CALHM3: variants seen among roughly 807,000 people sequenced by gnomAD.
CALHM3 encodes calcium homeostasis modulator 3.
Under a neutral mutation model 13.6 loss-of-function variants are expected in CALHM3, and 9 were observed. The ratio of observed to expected loss-of-function variants is 0.66; its 90% CI spans 0.40 to 1.15. The LOEUF (loss-of-function observed/expected upper bound fraction) is 1.15, where lower values mean the gene tolerates loss of function less well. Among genes scored for constraint, CALHM3 ranks in the 50% most tolerant of loss-of-function variants. The pLI, the probability that CALHM3 is intolerant of heterozygous loss-of-function variation, is 0.01. For synonymous variants in CALHM3, 231 were observed against 213.2 expected, an observed-to-expected ratio of 1.08 and a Z score of -0.73; for missense variants, 497 against 463.4, an observed-to-expected ratio of 1.07 and a Z score of -0.67.
rs772062343 is a variant in CALHM3 at position 103,473,437 on chromosome 10, G to C, written c.811C>G (p.Pro271Ala). 63 of 1,530,708 alleles carry C rather than the reference G, an allele frequency of 4.1e-5. No individual in the cohort carries two copies. The Admixed American group carries it at 5.8e-4, about 14-fold the overall frequency. The allele number at this position is 1,530,708 out of a possible 1,614,324, so 94.8% of individuals were successfully genotyped here. The part of the protein sequence containing the change: ...RGNAGRRLEL[P>A]AVPEPPEGLD... ...CCTTCTGGGGGCTCAGGCACTGCGG[G>C]GAGCTCGAGTCTCCTGCCTGCATTG... is the stretch of plus-strand genomic sequence containing the variant. The change falls in exon 3 of 3, where the codon CCC (proline) becomes GCC (alanine). Residue 271 changes from proline (P) to alanine (A), a missense_variant. Physicochemically the swap from Pro to Ala is conservative, Grantham distance 27 (BLOSUM62 -1). Coordinates refer to ENST00000369783, the MANE Select transcript of CALHM3 (RefSeq NM_001129742.2).
In CALHM3 at chr10:103,473,531, C is replaced by CGCG; in HGVS notation, c.714_716dup (p.Ala239dup). The CGCG allele has an allele frequency of 6.4e-7, 1 of 1,551,106 alleles. No homozygotes were observed. Among genetic ancestry groups the CGCG allele is most frequent in the Non-Finnish European group, 8.7e-7 (1 of 1,147,004 alleles). On this transcript the variant is annotated inframe_insertion, in exon 3 of 3. Transcript: ENST00000369783. ...CAAAGAAGTGCAGCACGCAGCGGTG[C>CGCG]GCGAAGTCCCGCGCATGCTCACAGC...
At position 103,473,045 on chromosome 10, in the gene CALHM3, G is replaced by A; in HGVS notation, c.*168C>T. The A allele has an allele frequency of 1.5e-6, 1 of 656,220 alleles. No individual in the cohort carries two copies. The highest frequency in any genetic ancestry group is 2.2e-6 in the Non-Finnish European group (1 of 458,530). 40.6% of individuals were successfully genotyped at this position (656,220 alleles called of 1,614,324 possible). A position where few individuals can be genotyped will look rare whatever the true frequency, so the allele number is the denominator to read the frequency against. ...GTCCACATTAAAGTTTGTGAAGCGCGCTGGAGGCCACACCCAGAAACTAGG... is the reference window on the plus strand; with the variant it reads ...GTCCACATTAAAGTTTGTGAAGCGCACTGGAGGCCACACCCAGAAACTAGG... On this transcript the variant is annotated 3_prime_UTR_variant, in exon 3 of 3. Coordinates refer to ENST00000369783, the MANE Select transcript of CALHM3 (RefSeq NM_001129742.2).
At chr10:103,476,182 G>C (rs2033385076) in intron 2 of CALHM3, 112 bp downstream of exon 2, 1 of 1,413,868 alleles carries the variant, frequency 7.1e-7, no homozygotes, top group Non-Finnish European at 9.6e-7. Context: ...TGCCTCCTGG[G>C]AATGGGCTGA....
rs1193590081 is a variant in CALHM3 at position 103,473,066 on chromosome 10, C to A, written c.*147G>T. The A allele has an allele frequency of 5.7e-6, 5 of 881,028 alleles. No individual in the cohort carries two copies. Among genetic ancestry groups the A allele is most frequent in the Non-Finnish European group, 7.6e-6 (5 of 662,104 alleles). The allele number at this position is 881,028 out of a possible 1,614,324, so 54.6% of individuals were successfully genotyped here. On this transcript the variant is annotated 3_prime_UTR_variant, in exon 3 of 3. Transcript: ENST00000369783. The stretch of plus-strand genomic sequence containing the variant: ...GCGCGCTGGAGGCCACACCCAGAAA[C>A]TAGGCAGAGATTGGGCTACTTTAAA...
chr10:103,473,413 C>A lies in CALHM3; in HGVS notation c.835G>T (p.Gly279Cys), dbSNP rs1478849400. The A allele has an allele frequency of 6.6e-7, 1 of 1,517,642 alleles. No homozygotes were observed. The highest frequency in any genetic ancestry group is 1.4e-5 in the African/African-American group (1 of 72,534). 94.0% of individuals were successfully genotyped at this position (1,517,642 alleles called of 1,614,324 possible). A position where few individuals can be genotyped will look rare whatever the true frequency, so the allele number is the denominator to read the frequency against. Residue 279 changes from glycine (G) to cysteine (C), a missense_variant, in exon 3 of 3, where the codon GGC becomes TGC. Physicochemically the swap from Gly to Cys is radical, Grantham distance 159. Coordinates refer to ENST00000369783, the MANE Select transcript of CALHM3 (RefSeq NM_001129742.2). Reference sequence around the variant, plus strand: ...GCCTTCCCACTTCCACTATCCAGGCCTTCTGGGGGCTCAGGCACTGCGGGG... The same window carrying A: ...GCCTTCCCACTTCCACTATCCAGGCATTCTGGGGGCTCAGGCACTGCGGGG... ...ELPAVPEPPE[G>C]LDSGSGKAHL...
At chr10:103,478,607 G>A (rs1368835989) in intron 1 of CALHM3, 139 bp downstream of exon 1, 7 of 873,004 alleles carry the variant, frequency 8.0e-6, no homozygotes, top group Non-Finnish European at 1.2e-5. Context: ...GGGCGCACCT[G>A]GCAGTACCTG....
At chr10:103,475,883 G>A (rs1034968153) in intron 2 of CALHM3, among the ~76,000 whole-genome samples, 10 of 152,174 alleles carry the variant, frequency 6.6e-5, no homozygotes, top group Non-Finnish European at 1.5e-4. Context: ...TGCATTGTTG[G>A]AAGGTGGTTA....
rs966161433 is a variant in CALHM3 at position 103,476,665 on chromosome 10, C to T, written c.288-116G>A. ...GCTGGGTTACATCAGACTGCAGCTC[C>T]CAGTGTAGAGGTCCCAGTGACAGAG... On this transcript the variant is annotated intron_variant, in intron 1 of 2. Transcript: ENST00000369783. 7.8e-6 allele frequency: 10 copies of T among 1,276,724 alleles called. No individual in the cohort carries two copies. In the African/African-American group the frequency reaches 1.3e-4, roughly 17 times the overall value. 79.1% of individuals were successfully genotyped at this position (1,276,724 alleles called of 1,614,324 possible).
rs1564795032 is a variant in CALHM3 at position 103,473,417 on chromosome 10, T to TGGGGGCTACGGCACTGCG, written c.830_831insCGCAGTGCCGTAGCCCCC (p.Pro277_Glu278insAlaValProTer). ...TCCCACTTCCACTATCCAGGCCTTC[T>TGGGGGCTACGGCACTGCG]GGGGGCTCAGGCACTGCGGGGAGCT... On this transcript the variant is annotated stop_gained and inframe_insertion, in exon 3 of 3. Coordinates refer to ENST00000369783, the MANE Select transcript of CALHM3 (RefSeq NM_001129742.2). LOFTEE classifies it low-confidence loss of function (END_TRUNC). 1 of 1,517,368 alleles carries TGGGGGCTACGGCACTGCG rather than the reference T, an allele frequency of 6.6e-7. No individual in the cohort carries two copies. The highest frequency in any genetic ancestry group is 1.4e-5 in the African/African-American group (1 of 71,844). The allele number at this position is 1,517,368 out of a possible 1,614,324, so 94.0% of individuals were successfully genotyped here. A position where few individuals can be genotyped will look rare whatever the true frequency, so the allele number is the denominator to read the frequency against.
Position 103,479,070 on chromosome 10 carries a change from C to G in CALHM3, c.-38G>C. ...GGTGGGTGGGCGGCCGTCGGTTCGG[C>G]TCAGTGAGGCTCTGGCCACCTTCCT... On this transcript the variant is annotated 5_prime_UTR_variant, in exon 1 of 3. Coordinates refer to ENST00000369783, the MANE Select transcript of CALHM3 (RefSeq NM_001129742.2). The G allele has an allele frequency of 6.6e-7, 1 of 1,515,488 alleles. No homozygotes were observed. The highest frequency in any genetic ancestry group is 8.9e-7 in the Non-Finnish European group (1 of 1,127,922). The allele number at this position is 1,515,488 out of a possible 1,614,324, so 93.9% of individuals were successfully genotyped here.
Position 103,473,515 on chromosome 10 carries a change from G to A in CALHM3, c.733C>T (p.His245Tyr), listed in dbSNP as rs1046943342. Residue 245 changes from histidine to tyrosine, a missense_variant, in exon 3 of 3, where the codon CAC (histidine) becomes TAC (tyrosine). By Grantham distance (83) the His-to-Tyr change is moderately conservative. Transcript: ENST00000369783. ...ARDFAHRCVL[H>Y]FFASMRSELQ... ...TCACTCCGCATGCTGGCAAAGAAGT[G>A]CAGCACGCAGCGGTGCGCGAAGTCC... The A allele has an allele frequency of 3.2e-6, 5 of 1,551,126 alleles. No individual in the cohort carries two copies. Among genetic ancestry groups the A allele is most frequent in the Non-Finnish European group, 4.4e-6 (5 of 1,146,992 alleles).
Position 103,473,372 on chromosome 10 carries a change from G to C in CALHM3, c.876C>G (p.Ile292Met). The C allele has an allele frequency of 1.3e-6, 2 of 1,498,656 alleles. No homozygotes were observed. The highest frequency in any genetic ancestry group is 1.3e-5 in the South Asian group (1 of 75,776). 92.8% of individuals were successfully genotyped at this position (1,498,656 alleles called of 1,614,324 possible). A position where few individuals can be genotyped will look rare whatever the true frequency, so the allele number is the denominator to read the frequency against. ...GGCGGTCCACCTGCTCCCGGCTGGA[G>C]ATTGCGCGCAGGTGGGCCTTCCCAC... ...SGSGKAHLRA[I>M]SSREQVDRLL... The change falls in exon 3 of 3, where the codon ATC becomes ATG. Residue 292 changes from isoleucine to methionine, a missense_variant. Ile to Met is a conservative substitution (Grantham distance 10). Coordinates refer to ENST00000369783, the MANE Select transcript of CALHM3 (RefSeq NM_001129742.2).
Position 103,478,886 on chromosome 10 carries a change from T to C in CALHM3, c.147A>G (p.Ala49=), listed in dbSNP as rs2133833752. 6.4e-7 allele frequency: 1 copy of C among 1,551,502 alleles called. No individual in the cohort carries two copies. The highest frequency in any genetic ancestry group is 2.0e-5 in the Admixed American group (1 of 50,990). ...FNCPCLVHYN[A]LYGLGLLLTP... Reference sequence around the variant, plus strand: ...TCAGCAGCAGGCCCAGGCCGTAGAGTGCATTGTAGTGCACCAGGCAGGGAC... The same window carrying C: ...TCAGCAGCAGGCCCAGGCCGTAGAGCGCATTGTAGTGCACCAGGCAGGGAC... The change falls in exon 1 of 3, where the codon GCA becomes GCG. Residue 49 remains alanine (A), a synonymous_variant. Coordinates refer to ENST00000369783, the MANE Select transcript of CALHM3 (RefSeq NM_001129742.2).
chr10:103,474,256 G>A (rs1039230373), intron 2 of CALHM3, among the ~76,000 whole-genome samples: 25 of 151,572 alleles, frequency 1.6e-4, no homozygotes, highest in African/African-American at 5.3e-4. Context: ...CTATCCAATC[G>A]TCCATCCTCT....
chr10:103,478,143 T>C (rs2033411662), intron 1 of CALHM3, among the ~76,000 whole-genome samples: 1 of 152,182 alleles, frequency 6.6e-6, no homozygotes, highest in African/African-American at 2.4e-5. Context: ...GAACACTGTA[T>C]AGAGAGGCCA....
chr10:103,479,111 G>A lies in CALHM3; in HGVS notation c.-79C>T. The A allele has an allele frequency of 6.9e-7, 1 of 1,439,308 alleles. No individual in the cohort carries two copies. The highest frequency in any genetic ancestry group is 9.3e-7 in the Non-Finnish European group (1 of 1,072,282). The allele number at this position is 1,439,308 out of a possible 1,614,324, so 89.2% of individuals were successfully genotyped here. A position where few individuals can be genotyped will look rare whatever the true frequency, so the allele number is the denominator to read the frequency against. ...CCACCTTCCTGGTGTCTGCTGTGCT[G>A]GGGACGAGCCTGGGATCTGCAAGAG... On this transcript the variant is annotated 5_prime_UTR_variant, in exon 1 of 3. Coordinates refer to ENST00000369783, the MANE Select transcript of CALHM3 (RefSeq NM_001129742.2).
At position 103,478,734 on chromosome 10, in the gene CALHM3, G is replaced by A. The variant is rs948447292; in HGVS notation, c.287+12C>T. 1 of 1,510,536 alleles carries A rather than the reference G, an allele frequency of 6.6e-7. No individual in the cohort carries two copies. The highest frequency in any genetic ancestry group is 2.0e-5 in the Admixed American group (1 of 48,894). 93.6% of individuals were successfully genotyped at this position (1,510,536 alleles called of 1,614,324 possible). A position where few individuals can be genotyped will look rare whatever the true frequency, so the allele number is the denominator to read the frequency against. ...CAAAGCTCATGGGTCACTGAGTGGT[G>A]TGGGACCGCACCTGATGATGCCTGG... On this transcript the variant is annotated intron_variant, in intron 1 of 2. Coordinates refer to ENST00000369783, the MANE Select transcript of CALHM3 (RefSeq NM_001129742.2).
chr10:103,478,369 T>A (rs899742767), intron 1 of CALHM3, among the ~76,000 whole-genome samples: 1 of 152,248 alleles, frequency 6.6e-6, no homozygotes, highest in Non-Finnish European at 1.5e-5. Flanking sequence ...TTTTCTCTTA[T>A]TAATCTGCCT....
In CALHM3 at chr10:103,476,260, G is replaced by A. The variant is rs755160395; in HGVS notation, c.543+34C>T. 267 of 1,548,082 alleles carry A rather than the reference G, an allele frequency of 1.7e-4. 1 individual carries two copies. The highest frequency in any genetic ancestry group is 1.7e-4 in the Non-Finnish European group (194 of 1,144,806). ...AGAACCAATGCGGGGGATTTGTGAG[G>A]GTGCAAGGGCCGGGGGAGGATCACC... On this transcript the variant is annotated intron_variant, in intron 2 of 2. Coordinates refer to ENST00000369783, the MANE Select transcript of CALHM3 (RefSeq NM_001129742.2).
Sources: allele counts gnomAD v4.1 joint callset (sites outside exome capture counted in the v4.1 genomes callset), GRCh38; gene constraint gnomAD v4.1.1; transcripts MANE v1.5; gene names NCBI Gene and HGNC (gene_info 2026-07-23, HGNC 2026-07-21).